Variants in GPC5 observed in about 807,000 individuals in gnomAD.
GPC5 encodes the protein glypican-5.
GPC5 carries 47 observed loss-of-function variants against 53.9 expected under a neutral mutation model. The ratio of observed to expected loss-of-function variants is 0.87; its 90% confidence interval spans 0.69 to 1.11. The LOEUF is 1.11. Ranked by LOEUF, GPC5 falls within the 50% of genes most tolerant of loss-of-function variation. GPC5 has a pLI of 0.00. For synonymous variants in GPC5, 286 were observed against 263.3 expected (o/e 1.09, Z -0.84); for missense variants, 748 against 713.1 (o/e 1.05, Z -0.56).
intron 2 of GPC5, among the ~76,000 whole-genome samples, chr13:91,655,416 T>C (rs1016885072): frequency 6.6e-6 from 1 of 152,124 alleles, no homozygotes; most frequent in Non-Finnish European, 1.5e-5. Context: ...AAGTTGTATG[T>C]GTAATGTTAT....
chr13:91,838,447 G>A (rs572569579), intron 5 of GPC5, among the ~76,000 whole-genome samples: 1 of 152,118 alleles, frequency 6.6e-6, no homozygotes, highest in Non-Finnish European at 1.5e-5. Flanking sequence ...GTTTCGTTTT[G>A]TTTCTTGATC....
intron 7 of GPC5, among the ~76,000 whole-genome samples, chr13:92,166,372 G>A (rs1473374713): frequency 6.6e-6 from 1 of 152,124 alleles, no homozygotes; most frequent in Non-Finnish European, 1.5e-5. Context: ...ATAAAATCAA[G>A]AAATGCTCAC....
intron 7 of GPC5, among the ~76,000 whole-genome samples, chr13:92,847,240 G>T (rs74594080): frequency 6.6e-6 from 1 of 152,064 alleles, no homozygotes; most frequent in African/African-American, 2.4e-5. Flanking sequence ...TTGCAAAGAG[G>T]TTCTATACTC....
At chr13:92,360,657 G>T (rs541617979) in intron 7 of GPC5, among the ~76,000 whole-genome samples, 1 of 151,634 alleles carries the variant, frequency 6.6e-6, no homozygotes, top group African/African-American at 2.4e-5. Context: ...GAAAAAAATG[G>T]CATCCAAGAA....
intron 5 of GPC5, among the ~76,000 whole-genome samples, chr13:91,802,650 GTGT>G (rs2038154578): frequency 6.6e-6 from 1 of 152,130 alleles, no homozygotes; most frequent in Admixed American, 6.6e-5. Context: ...GCTGATTGGT[GTGT>G]TTACAATCCT....
chr13:92,857,565 T>C (rs1252036698), intron 7 of GPC5, among the ~76,000 whole-genome samples: 1 of 152,106 alleles, frequency 6.6e-6, no homozygotes, highest in Non-Finnish European at 1.5e-5. Flanking sequence ...TTACAACCTA[T>C]GCATCTGTCA....
At chr13:92,289,980 A>C (rs965259605) in intron 7 of GPC5, among the ~76,000 whole-genome samples, 1 of 152,116 alleles carries the variant, frequency 6.6e-6, no homozygotes, top group African/African-American at 2.4e-5. Context: ...GTTGAGGGAA[A>C]ACTCTAGCTG....
chr13:92,751,740 G>C (rs1050812651), intron 7 of GPC5, among the ~76,000 whole-genome samples: 1 of 121,440 alleles, frequency 8.2e-6, no homozygotes, highest in African/African-American at 3.3e-5. Context: ...AGAACTTAAA[G>C]TATAAAAAAA....
chr13:92,147,699 A>C (rs2041878357), intron 7 of GPC5, among the ~76,000 whole-genome samples: 1 of 151,960 alleles, frequency 6.6e-6, no homozygotes, highest in African/African-American at 2.4e-5. Flanking sequence ...TTTTTCAGCA[A>C]CTCCAGGCAA....
At chr13:91,575,012 C>G (rs183341641) in intron 2 of GPC5, among the ~76,000 whole-genome samples, 4 of 152,076 alleles carry the variant, frequency 2.6e-5, no homozygotes, top group Non-Finnish European at 5.9e-5. Context: ...AATATAATGC[C>G]TCCTTGAGAA....
chr13:92,663,593 A>ATC (rs562075954), intron 7 of GPC5, among the ~76,000 whole-genome samples: 2,376 of 85,418 alleles, frequency 0.028, 38 homozygotes, highest in Non-Finnish European at 0.053. Flanking sequence ...ATATATATAT[A>ATC]TCTACTATAT....
At chr13:92,482,044 T>C (rs373005368) in intron 7 of GPC5, among the ~76,000 whole-genome samples, 96 of 152,046 alleles carry the variant, frequency 6.3e-4, no homozygotes, top group African/African-American at 2.2e-3. Flanking sequence ...GGCAGGAGAA[T>C]TGCTTGAACC....
At chr13:92,267,284 CT>C (rs1405261733) in intron 7 of GPC5, among the ~76,000 whole-genome samples, 1 of 151,990 alleles carries the variant, frequency 6.6e-6, no homozygotes, top group Non-Finnish European at 1.5e-5. Context: ...ATTATATACT[CT>C]TTATTATCTT....
At position 91,717,503 on chromosome 13, in the gene GPC5, AGGAGCGG is replaced by A. The variant is rs1231644135; in HGVS notation, c.1021-11025_1021-11019del. On this transcript the variant is annotated intron_variant, in intron 3 of 7. Transcript: ENST00000377067. ...TCTTGAGTGAAGGAAATTCCAGTGC[AGGAGCGG>A]GGAAGTGAAAAGGCGAGATACCTGA... 3.3e-5 allele frequency among the ~76,000 whole-genome samples: 5 copies of A among 152,296 alleles called. No individual in the cohort carries two copies. The East Asian group carries it at 9.6e-4, about 29-fold the overall frequency.
At chr13:91,835,436 CAT>C (rs2038712332) in intron 5 of GPC5, among the ~76,000 whole-genome samples, 1 of 152,124 alleles carries the variant, frequency 6.6e-6, no homozygotes, top group Admixed American at 6.6e-5. Context: ...CACATGCACA[CAT>C]ATGTTTATTG....
intron 7 of GPC5, 124 bp from the exon 8 acceptor site, chr13:92,866,158 T>C (rs2138860022): frequency 1.6e-6 from 1 of 631,002 alleles, no homozygotes; most frequent in Middle Eastern, 4.2e-4. Flanking sequence ...ATGTTAGAGT[T>C]AGGTGAACAT....
At chr13:92,554,096 A>G (rs61973652) in intron 7 of GPC5, among the ~76,000 whole-genome samples, 33,596 of 151,884 alleles carry the variant, frequency 0.22, 3,739 homozygotes, top group Non-Finnish European at 0.25. Flanking sequence ...GCCCACAATC[A>G]TGGTTCAATA....
intron 7 of GPC5, among the ~76,000 whole-genome samples, chr13:92,170,779 C>G (rs2139021216): frequency 6.6e-6 from 1 of 152,146 alleles, no homozygotes; most frequent in South Asian, 2.1e-4. Context: ...CAAAACTTCG[C>G]ATGTTCACAG....
chr13:92,158,770 T>A (rs2041964240), intron 7 of GPC5, among the ~76,000 whole-genome samples: 1 of 152,278 alleles, frequency 6.6e-6, no homozygotes, highest in Non-Finnish European at 1.5e-5. Flanking sequence ...TTTAAAACTG[T>A]TTTTTGCTGA....
Sources: allele counts gnomAD v4.1 joint callset (sites outside exome capture counted in the v4.1 genomes callset), GRCh38; gene constraint gnomAD v4.1.1; transcripts MANE v1.5; gene names NCBI Gene and HGNC (gene_info 2026-07-23, HGNC 2026-07-21).